TP53BP1: variants seen among roughly 807,000 people sequenced by gnomAD.
TP53BP1 encodes the protein TP53-binding protein 1.
In TP53BP1, 61 loss-of-function variants were observed where a neutral mutation model predicts 200.8. The ratio of observed to expected loss-of-function variants is 0.30; its 90% confidence interval spans 0.25 to 0.38. TP53BP1 has a LOEUF of 0.38. Ranked by LOEUF, TP53BP1 falls within the 10% of genes least tolerant of loss-of-function variation. The pLI is 1.00. For synonymous variants in TP53BP1, 822 were observed against 844.3 expected (o/e 0.97, Z 0.46); for missense variants, 2,144 against 2,371.9 (o/e 0.90, Z 2.00).
intron 4 of TP53BP1, among the ~76,000 whole-genome samples, chr15:43,485,082 T>C (rs2079026948): frequency 6.6e-6 from 1 of 152,192 alleles, no homozygotes; most frequent in Non-Finnish European, 1.5e-5. Flanking sequence ...AACCACTTTG[T>C]TGCTTCCTCT....
intron 4 of TP53BP1, 95 bp downstream of exon 4, chr15:43,491,574 G>A: frequency 1.1e-6 from 1 of 930,752 alleles, no homozygotes; most frequent in East Asian, 2.4e-5. Flanking sequence ...ACAAGAAAGA[G>A]ATTAATCCTT....
intron 18 of TP53BP1, among the ~76,000 whole-genome samples, chr15:43,424,022 T>C (rs1197605792): frequency 6.6e-6 from 1 of 152,170 alleles, no homozygotes; most frequent in Admixed American, 6.5e-5. Flanking sequence ...TTTCTACTAG[T>C]CTTCCCCTTG....
intron 25 of TP53BP1, 198 bp downstream of exon 25, chr15:43,409,449 T>C: frequency 1.9e-6 from 1 of 534,640 alleles, no homozygotes; most frequent in South Asian, 3.1e-5. Context: ...AGCCATTAAC[T>C]AACCCAAGGT....
intron 14 of TP53BP1, among the ~76,000 whole-genome samples, chr15:43,445,123 CTCT>C (rs1293401466): frequency 6.6e-6 from 1 of 150,826 alleles, no homozygotes; most frequent in African/African-American, 2.5e-5. Flanking sequence ...ACCATATTTT[CTCT>C]TCTTCTCTCA....
At chr15:43,480,170 C>T (rs552099361) in intron 5 of TP53BP1, among the ~76,000 whole-genome samples, 153 bp from the exon 6 acceptor site, 29 of 152,280 alleles carry the variant, frequency 1.9e-4, no homozygotes, top group Non-Finnish European at 2.8e-4. Context: ...TAAATGTGGC[C>T]GAGCACGGTG....
chr15:43,487,558 T>G (rs983680866), intron 4 of TP53BP1, among the ~76,000 whole-genome samples: 5 of 152,104 alleles, frequency 3.3e-5, no homozygotes, highest in African/African-American at 1.2e-4. Context: ...TTTGGGAGGC[T>G]GAGGCAGGCA....
In TP53BP1 at chr15:43,404,336, C is replaced by T; in HGVS notation, c.*3047G>A. Reference sequence around the variant, plus strand: ...TTGAACAAGGCTTTTCCAAGAAACTCCTCCCTCCGCCCCCATCCTCCATAT... The same window carrying T: ...TTGAACAAGGCTTTTCCAAGAAACTTCTCCCTCCGCCCCCATCCTCCATAT... On this transcript the variant is annotated 3_prime_UTR_variant, in exon 28 of 28. Transcript: ENST00000382044. 6.4e-7 allele frequency: 1 copy of T among 1,557,018 alleles called. No individual in the cohort carries two copies. Among genetic ancestry groups the T allele is most frequent in the East Asian group, 2.3e-5 (1 of 44,240 alleles).
chr15:43,439,344 G>C (rs565072372), intron 15 of TP53BP1, among the ~76,000 whole-genome samples: 2 of 152,246 alleles, frequency 1.3e-5, no homozygotes, highest in East Asian at 3.9e-4. Context: ...TTAGAGACTA[G>C]CCTGGGCAAC....
chr15:43,407,447 A>G lies in TP53BP1; in HGVS notation c.5870T>C (p.Ile1957Thr), dbSNP rs1044525239. 8 of 1,614,016 alleles carry G rather than the reference A, an allele frequency of 5.0e-6. No homozygotes were observed. Among genetic ancestry groups the G allele is most frequent in the East Asian group, 2.2e-5 (1 of 44,882 alleles). The change falls in exon 28 of 28, where the codon ATT becomes ACT. Residue 1957 changes from isoleucine (I) to threonine (T), a missense_variant. This residue lies in a region of TP53BP1 where 334 missense variants were observed against 453.4 expected (regional missense o/e 0.74). Transcript: ENST00000382044. Reference sequence around the variant, plus strand: ...CTTGAATCCAATTCTCTCCCCAACAATGAGGCACTGGATCACCCACTCTTG... The same window carrying G: ...CTTGAATCCAATTCTCTCCCCAACAGTGAGGCACTGGATCACCCACTCTTG... ...VSQEWVIQCL[I>T]VGERIGFKQH...
chr15:43,454,654 C>T lies in TP53BP1; in HGVS notation c.2716+1238G>A, dbSNP rs748486195. Among the ~76,000 whole-genome samples the T allele has an allele frequency of 8.5e-5, 13 of 152,058 alleles. 1 individual carries two copies. The highest frequency in any genetic ancestry group is 2.1e-4 in the South Asian group (1 of 4,828). ...CTGGGATTACAGGCGTGAGCCACCA[C>T]GCCTGACCTACATTATACTAACTCT... is the stretch of plus-strand genomic sequence containing the variant. On this transcript the variant is annotated intron_variant, in intron 12 of 27. Coordinates refer to ENST00000382044, the MANE Select transcript of TP53BP1 (RefSeq NM_001141980.3).
At position 43,469,990 on chromosome 15, in the gene TP53BP1, T is replaced by C. The variant is rs1329206913; in HGVS notation, c.1257A>G (p.Pro419=). The C allele has an allele frequency of 1.2e-6, 2 of 1,613,844 alleles. No homozygotes were observed. Among genetic ancestry groups the C allele is most frequent in the Non-Finnish European group, 1.7e-6 (2 of 1,180,034 alleles). ...GGAGAGGGGGGTTTTCTAACTCCAC[T>C]GGTTCACCACTTTGAAGTTTCTTCT... ...PFQKKLQSGE[P]VELENPPLLP... Residue 419 remains proline, a synonymous_variant, in exon 11 of 28, where the codon CCA becomes CCG. Coordinates refer to ENST00000382044, the MANE Select transcript of TP53BP1 (RefSeq NM_001141980.3).
In TP53BP1 at chr15:43,407,340, T is replaced by A; in HGVS notation, c.*43A>T. The A allele has an allele frequency of 6.4e-7, 1 of 1,574,184 alleles. No individual in the cohort carries two copies. The highest frequency in any genetic ancestry group is 8.7e-7 in the Non-Finnish European group (1 of 1,148,180). On this transcript the variant is annotated 3_prime_UTR_variant, in exon 28 of 28. Coordinates refer to ENST00000382044, the MANE Select transcript of TP53BP1 (RefSeq NM_001141980.3). ...CATTTAAAACCTGGTTAAAACACAA[T>A]CTCCACGATAGCAGGGAATAAAACC...
At chr15:43,484,081 GT>G (rs1302086211) in intron 4 of TP53BP1, among the ~76,000 whole-genome samples, 1 of 152,110 alleles carries the variant, frequency 6.6e-6, no homozygotes, top group African/African-American at 2.4e-5. Context: ...ATAGCACAAT[GT>G]TTCATATGTT....
chr15:43,478,329 G>C (rs2078913556), intron 7 of TP53BP1, among the ~76,000 whole-genome samples: 1 of 152,026 alleles, frequency 6.6e-6, no homozygotes, highest in African/African-American at 2.4e-5. Flanking sequence ...CCACTCCCCA[G>C]GGTAAACAGA....
At chr15:43,466,101 A>G (rs916857334) in intron 11 of TP53BP1, among the ~76,000 whole-genome samples, 1 of 152,220 alleles carries the variant, frequency 6.6e-6, no homozygotes, top group Non-Finnish European at 1.5e-5. Context: ...AAGGCTACTA[A>G]ACAATGTCCC....
At chr15:43,458,234 C>A (rs1015994890) in intron 11 of TP53BP1, among the ~76,000 whole-genome samples, 6 of 150,932 alleles carry the variant, frequency 4.0e-5, no homozygotes, top group Non-Finnish European at 8.8e-5. Flanking sequence ...AAGTTCGAGA[C>A]CAACCTGGCC....
chr15:43,403,829 C>A lies in TP53BP1; in HGVS notation c.*3554G>T, dbSNP rs1195116275. 9.7e-6 allele frequency: 15 copies of A among 1,544,440 alleles called. No homozygotes were observed. The highest frequency in any genetic ancestry group is 1.3e-5 in the Non-Finnish European group (15 of 1,116,926). On this transcript the variant is annotated 3_prime_UTR_variant, in exon 28 of 28. Transcript: ENST00000382044. The stretch of plus-strand genomic sequence containing the variant: ...GTCTGCCTGGAAGTATGCAGCCTTG[C>A]CGAAAGGACAGAGGTGGTTTTGCCA...
intron 20 of TP53BP1, 128 bp from the exon 21 acceptor site, chr15:43,420,863 T>C (rs1459092560): frequency 1.6e-6 from 2 of 1,283,434 alleles, no homozygotes; most frequent in Admixed American, 2.5e-5. Flanking sequence ...ATCACAGGCA[T>C]GAGCCTGGTC....
chr15:43,472,084 T>A (rs767043700), intron 10 of TP53BP1, among the ~76,000 whole-genome samples: 1 of 152,232 alleles, frequency 6.6e-6, no homozygotes, highest in Admixed American at 6.5e-5. Flanking sequence ...AAGGATATAA[T>A]AGGAGGCATA....
Sources: allele counts gnomAD v4.1 joint callset (sites outside exome capture counted in the v4.1 genomes callset), GRCh38; gene constraint gnomAD v4.1.1; regional missense constraint gnomAD v4.1.1; transcripts MANE v1.5; gene names NCBI Gene and HGNC (gene_info 2026-07-23, HGNC 2026-07-21).